The following ATP13A3 variants were observed in gnomAD, a reference collection of about 807,000 sequenced individuals.
ATP13A3 encodes the protein ATPase 13A3, also known as polyamine-transporting ATPase 13A3.
Under a neutral mutation model 158.1 loss-of-function variants are expected in ATP13A3, and 59 were observed. The observed-to-expected ratio is 0.37, with a 90% CI of 0.30 to 0.46. The LOEUF (loss-of-function observed/expected upper bound fraction) is 0.46, where lower values mean the gene tolerates loss of function less well. ATP13A3 is among the 20% of genes least tolerant of loss of function. ATP13A3 has a pLI of 1.00. For missense variants in ATP13A3, 1,166 were observed against 1,525.2 expected, an observed-to-expected ratio of 0.76 and a Z score of 3.92; for synonymous variants, 491 against 504.3, an observed-to-expected ratio of 0.97 and a Z score of 0.35.
intron 33 of ATP13A3, among the ~76,000 whole-genome samples, chr3:194,409,996 A>G (rs12632100): frequency 0.19 from 28,810 of 151,654 alleles, 4,602 homozygotes; most frequent in African/African-American, 0.43. Context: ...AGTCTTTAAA[A>G]AATGCACCTT....
In ATP13A3 at chr3:194,404,629, A is replaced by C. The variant is rs1714813657; in HGVS notation, c.*1290T>G. On this transcript the variant is annotated 3_prime_UTR_variant, in exon 34 of 34. Transcript: ENST00000645319. Reference sequence around the variant, plus strand: ...TCCACCTATAAAAGGTGTTTTTTAAAAGTTACCTTAATTTTGGCAAGAATT... The same window carrying C: ...TCCACCTATAAAAGGTGTTTTTTAACAGTTACCTTAATTTTGGCAAGAATT... The C allele has an allele frequency of 6.6e-6, 1 of 152,172 alleles. No homozygotes were observed. The highest frequency in any genetic ancestry group is 6.5e-5 in the Admixed American group (1 of 15,272). 9.4% of individuals were successfully genotyped at this position (152,172 alleles called of 1,614,324 possible). A position where few individuals can be genotyped will look rare whatever the true frequency, so the allele number is the denominator to read the frequency against.
At position 194,425,388 on chromosome 3, in the gene ATP13A3, A is replaced by G; in HGVS notation, c.3267T>C (p.Ile1089=). ...TGAAGGGTTTTCCTTTTGAAAAGGC[A>G]ATTGCCACTATGAGGTACTGAAAAC... is the stretch of plus-strand genomic sequence containing the variant. ...ISSFQYLIVA[I]AFSKGKPFRQ... Residue 1089 remains isoleucine, a synonymous_variant, in exon 30 of 34, where the codon ATT becomes ATC. Coordinates refer to ENST00000645319, the MANE Select transcript of ATP13A3 (RefSeq NM_001367549.1). 1 of 1,612,678 alleles carries G rather than the reference A, an allele frequency of 6.2e-7. No individual in the cohort carries two copies. The highest frequency in any genetic ancestry group is 8.5e-7 in the Non-Finnish European group (1 of 1,179,632).
At chr3:194,445,592 G>A (rs1718347396) in intron 14 of ATP13A3, among the ~76,000 whole-genome samples, 1 of 152,090 alleles carries the variant, frequency 6.6e-6, no homozygotes, top group Non-Finnish European at 1.5e-5. Context: ...CTCCACTTTT[G>A]TCTTAAAACT....
rs896348448 is a variant in ATP13A3 at position 194,412,559 on chromosome 3, A to G, written c.3484-271T>C. 8 of 390,342 alleles carry G rather than the reference A, an allele frequency of 2.0e-5. No individual in the cohort carries two copies. The Admixed American group carries it at 2.6e-4, about 13-fold the overall frequency. The allele number at this position is 390,342 out of a possible 1,614,324, so 24.2% of individuals were successfully genotyped here. A position where few individuals can be genotyped will look rare whatever the true frequency, so the allele number is the denominator to read the frequency against. On this transcript the variant is annotated intron_variant, in intron 32 of 33. Transcript: ENST00000645319. Reference sequence around the variant, plus strand: ...ATAAATAGGTCTTTCCCATATTAAAATGATGCTTATGTAATTTGAAGTCTT... The same window carrying G: ...ATAAATAGGTCTTTCCCATATTAAAGTGATGCTTATGTAATTTGAAGTCTT...
chr3:194,429,549 G>C (rs189929440), intron 27 of ATP13A3, 129 bp downstream of exon 27: 1 of 530,402 alleles, frequency 1.9e-6, no homozygotes, highest in Non-Finnish European at 3.2e-6. Flanking sequence ...GTAAATTGAA[G>C]GTAAATTTAT....
chr3:194,476,730 C>A (rs1393754690), intron 2 of ATP13A3, among the ~76,000 whole-genome samples: 1 of 151,648 alleles, frequency 6.6e-6, no homozygotes, highest in African/African-American at 2.4e-5. Context: ...TAGCAATTCC[C>A]AAACTGGTAA....
At chr3:194,422,131 A>G (rs567525234) in intron 30 of ATP13A3, among the ~76,000 whole-genome samples, 1 of 148,810 alleles carries the variant, frequency 6.7e-6, no homozygotes, top group East Asian at 2.0e-4. Flanking sequence ...AGCCTGGAGG[A>G]AAAAAAAAAG....
In ATP13A3 at chr3:194,438,137, G is replaced by A. The variant is rs999688446; in HGVS notation, c.1828-564C>T. ...ATCTCACTACTGCACTCCAGCCGGG[G>A]TGACAGAGCGAGACTCCAGCTCAAA... On this transcript the variant is annotated intron_variant, in intron 17 of 33. Transcript: ENST00000645319. Among the ~76,000 whole-genome samples the A allele has an allele frequency of 8.5e-5, 13 of 152,302 alleles. No homozygotes were observed. In the East Asian group the frequency reaches 2.5e-3, roughly 29 times the overall value.
chr3:194,408,112 C>T (rs183953299), intron 33 of ATP13A3, among the ~76,000 whole-genome samples: 6 of 151,902 alleles, frequency 3.9e-5, no homozygotes, highest in South Asian at 2.1e-4. Context: ...CACTGTCTCC[C>T]GGGTTCAAGC....
intron 2 of ATP13A3, among the ~76,000 whole-genome samples, chr3:194,470,534 T>A (rs1017032954): frequency 6.6e-6 from 1 of 152,158 alleles, no homozygotes; most frequent in Non-Finnish European, 1.5e-5. Context: ...AAGGGGGACA[T>A]TACCTTTGGA....
upstream of ATP13A3, among the ~76,000 whole-genome samples, chr3:194,490,220 G>T (rs191710308): frequency 6.6e-6 from 1 of 152,102 alleles, no homozygotes; most frequent in Non-Finnish European, 1.5e-5. This position sits in a 1 kb window ranked among gnomAD's most constrained non-coding sequence, Gnocchi z 4.4. Context: ...GCAAATCTGC[G>T]CATCATCCTA....
intron 17 of ATP13A3, 39 bp from the exon 18 acceptor site, chr3:194,437,612 A>G (rs1717751382): frequency 1.3e-6 from 2 of 1,553,634 alleles, no homozygotes; most frequent in Non-Finnish European, 1.8e-6. Flanking sequence ...AGTACAGATT[A>G]ACTCTATTAA....
intron 2 of ATP13A3, among the ~76,000 whole-genome samples, chr3:194,492,005 G>A (rs1350946044): frequency 2.6e-5 from 4 of 152,052 alleles, no homozygotes; most frequent in Admixed American, 2.0e-4. Context: ...TAGTTTATGT[G>A]ACTTCAAGCA....
chr3:194,406,648 C>T (rs1714956285), intron 33 of ATP13A3, among the ~76,000 whole-genome samples: 1 of 152,162 alleles, frequency 6.6e-6, no homozygotes. Flanking sequence ...AAAATCTTCA[C>T]ATTCTGTCCC....
rs987502151 is a variant in ATP13A3, at chr3:194,494,105, G to A, written n.691C>T. 4 of 398,460 alleles carry A rather than the reference G, an allele frequency of 1.0e-5. No homozygotes were observed. Among genetic ancestry groups the A allele is most frequent in the Non-Finnish European group, 1.3e-5 (3 of 226,058 alleles). 24.7% of individuals were successfully genotyped at this position (398,460 alleles called of 1,614,324 possible). On this transcript the variant is annotated non_coding_transcript_exon_variant, in exon 2 of 33. Transcript: ENST00000687055. This position sits in a 1 kb window ranked among gnomAD's most constrained non-coding sequence, Gnocchi z 4.2. ...CACTTTGCTCCAGGGCCAAACTCTT[G>A]ACCACTATAACCAAATGAAGCCAGA... is the stretch of plus-strand genomic sequence containing the variant.
chr3:194,408,164 C>A (rs949771352), intron 33 of ATP13A3, among the ~76,000 whole-genome samples: 2 of 151,990 alleles, frequency 1.3e-5, no homozygotes, highest in African/African-American at 4.8e-5. Flanking sequence ...GGACTACAGG[C>A]ACGCGCCACC....
In ATP13A3 at chr3:194,450,265, TTTC is replaced by T; in HGVS notation, c.847_849del (p.Glu283del). On this transcript the variant is annotated inframe_deletion, in exon 11 of 34. Coordinates refer to ENST00000645319, the MANE Select transcript of ATP13A3 (RefSeq NM_001367549.1). ...CCTGGCACAAGGTCGGTAGAAAAGATTTCTTCTATTTCTGAAATTAAAGAAAGA... is the reference window on the plus strand; with the variant it reads ...CCTGGCACAAGGTCGGTAGAAAAGATTTCTATTTCTGAAATTAAAGAAAGA... 6.2e-7 allele frequency: 1 copy of T among 1,610,872 alleles called. No individual in the cohort carries two copies. The highest frequency in any genetic ancestry group is 8.5e-7 in the Non-Finnish European group (1 of 1,178,170).
chr3:194,470,890 T>C (rs893645582), intron 2 of ATP13A3, among the ~76,000 whole-genome samples: 3 of 152,170 alleles, frequency 2.0e-5, no homozygotes, highest in Admixed American at 6.5e-5. Context: ...TATTCAGAAC[T>C]GGCAGAAGTA....
chr3:194,480,821 C>T (rs191024872), intron 2 of ATP13A3, among the ~76,000 whole-genome samples: 24 of 152,280 alleles, frequency 1.6e-4, no homozygotes, highest in African/African-American at 5.3e-4. Flanking sequence ...CTTTACATCC[C>T]TGTCCCAGAG....
Sources: gnomAD v4.1 joint callset for allele counts (sites outside exome capture counted in the v4.1 genomes callset) on GRCh38, gnomAD v4.1.1 for gene constraint, Gnocchi (gnomAD v3.1) non-coding constraint, MANE v1.5 for transcripts, NCBI Gene and HGNC (gene_info 2026-07-23, HGNC 2026-07-21) for gene names.